Variants in ADAMTSL1 observed in about 807,000 individuals in gnomAD.
The protein encoded by ADAMTSL1 is ADAMTS like 1.
In ADAMTSL1, 126 loss-of-function variants were observed where a neutral mutation model predicts 201.8. The ratio of observed to expected loss-of-function variants is 0.62; its 90% CI spans 0.54 to 0.72. ADAMTSL1 has a LOEUF of 0.72. Among genes scored for constraint, ADAMTSL1 ranks in the 30% least tolerant of loss-of-function variants. The pLI is 0.00. For missense variants in ADAMTSL1, 2,679 were observed against 2,277.8 expected, an observed-to-expected ratio of 1.18 and a Z score of -3.59; for synonymous variants, 1,121 against 903.4, an observed-to-expected ratio of 1.24 and a Z score of -4.32.
chr9:17,972,419 T>G (rs1029968320), intron 1 of ADAMTSL1, among the ~76,000 whole-genome samples: 1 of 150,574 alleles, frequency 6.6e-6, no homozygotes, highest in Non-Finnish European at 1.5e-5. Context: ...CGGTGTTTCG[T>G]TTTTTGTCCT....
intron 1 of ADAMTSL1, among the ~76,000 whole-genome samples, chr9:17,997,680 G>A (rs1301182713): frequency 6.6e-6 from 1 of 151,784 alleles, no homozygotes; most frequent in South Asian, 2.1e-4. Flanking sequence ...TGTTCTGCAC[G>A]GGGAAAAAAA....
intron 20 of ADAMTSL1, among the ~76,000 whole-genome samples, chr9:18,809,525 C>T (rs1036726295): frequency 6.6e-5 from 10 of 152,194 alleles, no homozygotes; most frequent in Non-Finnish European, 4.4e-5. Flanking sequence ...CATGGTGGCT[C>T]ACTCCTGTAA....
chr9:18,817,083 C>T (rs920106291), intron 20 of ADAMTSL1, 26 bp from the exon 21 acceptor site: 2 of 1,606,272 alleles, frequency 1.2e-6, no homozygotes, highest in Non-Finnish European at 1.7e-6. Context: ...CACCAAGTAA[C>T]ATCTCATATT....
intron 2 of ADAMTSL1, among the ~76,000 whole-genome samples, chr9:18,293,774 C>T (rs2132694942): frequency 6.6e-6 from 1 of 152,198 alleles, no homozygotes; most frequent in South Asian, 2.1e-4. Flanking sequence ...TTACCTTCTG[C>T]CCATAAAGTG....
intron 1 of ADAMTSL1, among the ~76,000 whole-genome samples, chr9:18,155,347 G>A (rs1827103020): frequency 6.6e-6 from 1 of 152,002 alleles, no homozygotes; most frequent in Non-Finnish European, 1.5e-5. Flanking sequence ...GAAGAGGAAT[G>A]CTAGAATGGT....
intron 3 of ADAMTSL1, among the ~76,000 whole-genome samples, chr9:18,548,402 A>G (rs528647751): frequency 6.6e-6 from 1 of 152,144 alleles, no homozygotes; most frequent in East Asian, 1.9e-4. Flanking sequence ...AGCACTGTCT[A>G]GTGTTTGCAA....
At chr9:18,177,251 G>A (rs1454498475) in intron 2 of ADAMTSL1, among the ~76,000 whole-genome samples, 1 of 152,158 alleles carries the variant, frequency 6.6e-6, no homozygotes, top group Non-Finnish European at 1.5e-5. Context: ...ATGTGTATAG[G>A]AAGCTAAGTA....
Position 18,266,175 on chromosome 9 carries a change from T to C in ADAMTSL1, c.207+102194T>C, listed in dbSNP as rs183984496. Among the ~76,000 whole-genome samples, 156 of 152,336 alleles carry C rather than the reference T, an allele frequency of 1.0e-3. 2 individuals carry two copies. The highest frequency in any genetic ancestry group is 3.6e-3 in the African/African-American group (149 of 41,576). Reference sequence around the variant, plus strand: ...GCTGCTCCAATTATACACTTCTCATTGTCTTGCCTTCTGCCTAGTAAAGCT... The same window carrying C: ...GCTGCTCCAATTATACACTTCTCATCGTCTTGCCTTCTGCCTAGTAAAGCT... On this transcript the variant is annotated intron_variant, in intron 2 of 29. Transcript: ENST00000680146.
At chr9:18,380,676 C>G in intron 2 of ADAMTSL1, among the ~76,000 whole-genome samples, 1 of 152,316 alleles carries the variant, frequency 6.6e-6, no homozygotes, top group South Asian at 2.1e-4. Flanking sequence ...CATGAATAAG[C>G]TTTCACATGA....
intron 2 of ADAMTSL1, among the ~76,000 whole-genome samples, chr9:18,300,604 G>T (rs1439545972): frequency 2.0e-5 from 3 of 151,596 alleles, no homozygotes; most frequent in Non-Finnish European, 2.9e-5. Context: ...AGAACTTAAA[G>T]TATTAAAACA....
chr9:18,444,058 T>C (rs1820097968), intron 2 of ADAMTSL1, among the ~76,000 whole-genome samples: 1 of 152,180 alleles, frequency 6.6e-6, no homozygotes, highest in Non-Finnish European at 1.5e-5. Context: ...TGATATTGTT[T>C]TTGTGAGGAT....
intron 23 of ADAMTSL1, among the ~76,000 whole-genome samples, chr9:18,874,436 G>A (rs1056136854): frequency 3.3e-5 from 5 of 152,042 alleles, no homozygotes; most frequent in African/African-American, 1.2e-4. Flanking sequence ...TGTCATAGAT[G>A]GCTTTTATTA....
chr9:18,086,348 A>G (rs1823770432), intron 1 of ADAMTSL1, among the ~76,000 whole-genome samples: 1 of 152,222 alleles, frequency 6.6e-6, no homozygotes, highest in African/African-American at 2.4e-5. Context: ...TAAATAAAAC[A>G]GAGTGACCAA....
intron 2 of ADAMTSL1, among the ~76,000 whole-genome samples, chr9:18,449,819 C>G (rs1036359199): frequency 2.0e-5 from 3 of 152,050 alleles, no homozygotes; most frequent in African/African-American, 7.2e-5. Flanking sequence ...ACAGTAAAAC[C>G]ACAATAATAC....
chr9:18,661,845 T>C, intron 8 of ADAMTSL1, 90 bp from the exon 9 acceptor site: 1 of 1,345,292 alleles, frequency 7.4e-7, no homozygotes, highest in Non-Finnish European at 1.0e-6. Flanking sequence ...GGGGAATAAT[T>C]TCCATTGATG....
At chr9:18,826,545 TA>T in intron 22 of ADAMTSL1, 82 bp downstream of exon 22, 1 of 1,477,940 alleles carries the variant, frequency 6.8e-7, no homozygotes. Context: ...CTTTGTGCCC[TA>T]ATCCAATTAA....
rs187460460 is a variant in ADAMTSL1 at position 18,362,701 on chromosome 9, T to C, written c.208-142128T>C. ...AAAGCCAGTCTGTGAGAGGTGCTAATTGATAAATCAAGATTTCCTTCTCTG... is the reference window on the plus strand; with the variant it reads ...AAAGCCAGTCTGTGAGAGGTGCTAACTGATAAATCAAGATTTCCTTCTCTG... On this transcript the variant is annotated intron_variant, in intron 2 of 29. Coordinates refer to the ADAMTSL1 transcript ENST00000680146. Among the ~76,000 whole-genome samples the C allele has an allele frequency of 2.6e-5, 4 of 152,346 alleles. No individual in the cohort carries two copies. In the East Asian group the frequency reaches 7.7e-4, roughly 29 times the overall value.
At chr9:18,780,782 G>C (rs1821347838) in intron 19 of ADAMTSL1, among the ~76,000 whole-genome samples, 1 of 152,164 alleles carries the variant, frequency 6.6e-6, no homozygotes, top group African/African-American at 2.4e-5. Flanking sequence ...GCATGTCTAT[G>C]AGATGTTTTC....
At chr9:18,668,365 G>C (rs1008430131) in intron 9 of ADAMTSL1, among the ~76,000 whole-genome samples, 1 of 152,108 alleles carries the variant, frequency 6.6e-6, no homozygotes, top group African/African-American at 2.4e-5. Flanking sequence ...CACATCATCA[G>C]ACAATCACAT....
Sources: allele counts gnomAD v4.1 joint callset (sites outside exome capture counted in the v4.1 genomes callset), GRCh38; gene constraint gnomAD v4.1.1; transcripts MANE v1.5; gene names NCBI Gene and HGNC (gene_info 2026-07-23, HGNC 2026-07-21).